The following VPS36 variants were observed in gnomAD, a reference collection of about 807,000 sequenced individuals.
VPS36 encodes vacuolar protein-sorting-associated protein 36.
Under a neutral mutation model 63.5 loss-of-function variants are expected in VPS36, and 31 were observed. The ratio of observed to expected loss-of-function variants is 0.49; its 90% CI spans 0.37 to 0.66. VPS36 has a LOEUF of 0.66. Ranked by LOEUF, VPS36 falls within the 30% of genes least tolerant of loss-of-function variation. The pLI, the probability that VPS36 is intolerant of heterozygous loss-of-function variation, is 0.00. For missense variants in VPS36, 338 were observed against 463.7 expected, an observed-to-expected ratio of 0.73 and a Z score of 2.49; for synonymous variants, 138 against 157.2, an observed-to-expected ratio of 0.88 and a Z score of 0.91.
At chr13:52,417,920 G>T (rs1254183053) in intron 11 of VPS36, 72 bp downstream of exon 11, 2 of 1,333,118 alleles carry the variant, frequency 1.5e-6, no homozygotes, top group African/African-American at 1.5e-5. Flanking sequence ...GGCAAACTTG[G>T]CTGGGCTTTC....
intron 8 of VPS36, 114 bp from the exon 9 acceptor site, chr13:52,426,180 CTG>C (rs1209070812): frequency 2.3e-6 from 3 of 1,331,614 alleles, no homozygotes; most frequent in Non-Finnish European, 3.1e-6. Context: ...ATTCCTTCTA[CTG>C]TGTTTCTATG....
At position 52,430,503 on chromosome 13, in the gene VPS36, G is replaced by A. The variant is rs957184631; in HGVS notation, c.528+3159C>T. Among the ~76,000 whole-genome samples the A allele has an allele frequency of 5.3e-5, 8 of 151,994 alleles. No homozygotes were observed. In the South Asian group the frequency reaches 6.2e-4, roughly 12 times the overall value. ...AAAAATTAGCTGGGTGTGGTGGCACGCACCTGTAGTCCCAGCTACTTGGGA... is the reference window on the plus strand; with the variant it reads ...AAAAATTAGCTGGGTGTGGTGGCACACACCTGTAGTCCCAGCTACTTGGGA... On this transcript the variant is annotated intron_variant, in intron 6 of 13. Coordinates refer to ENST00000378060, the MANE Select transcript of VPS36 (RefSeq NM_016075.4).
At chr13:52,427,500 A>G (rs1043521981) in intron 6 of VPS36, among the ~76,000 whole-genome samples, 1 of 152,018 alleles carries the variant, frequency 6.6e-6, no homozygotes, top group Admixed American at 6.6e-5. Context: ...CCAGCTACTC[A>G]GGAGGCTGAG....
rs1566087567 is a variant in VPS36, at chr13:52,434,887, T to C, written c.352-5A>G. ...CTCTGATAAACGCCTGTAAAACTGA[T>C]ACGCAAATAAATACACTTTAAATGA... is the stretch of plus-strand genomic sequence containing the variant. On this transcript the variant is annotated splice_region_variant and splice_polypyrimidine_tract_variant and intron_variant, in intron 4 of 13. Transcript: ENST00000378060. 3.1e-6 allele frequency: 5 copies of C among 1,612,182 alleles called. No individual in the cohort carries two copies. The highest frequency in any genetic ancestry group is 1.1e-5 in the South Asian group (1 of 90,796).
chr13:52,428,192 AGGCCTC>A (rs1958123013), intron 6 of VPS36, among the ~76,000 whole-genome samples: 1 of 152,194 alleles, frequency 6.6e-6, no homozygotes, highest in Non-Finnish European at 1.5e-5. Flanking sequence ...ACTACTTCAA[AGGCCTC>A]TTTGAATTTA....
chr13:52,420,038 CA>C (rs1958030911), intron 10 of VPS36, among the ~76,000 whole-genome samples: 1 of 151,970 alleles, frequency 6.6e-6, no homozygotes, highest in Non-Finnish European at 1.5e-5. Context: ...GGCAGGAGTT[CA>C]AGACCAGCCT....
intron 10 of VPS36, among the ~76,000 whole-genome samples, chr13:52,419,894 T>G (rs923473041): frequency 6.6e-6 from 1 of 151,498 alleles, no homozygotes; most frequent in Non-Finnish European, 1.5e-5. Context: ...GGAAGAGTAG[T>G]GGGGAAGGAG....
At position 52,416,106 on chromosome 13, in the gene VPS36, C is replaced by T. The variant is rs777447438; in HGVS notation, c.991-13G>A. 11 of 1,608,112 alleles carry T rather than the reference C, an allele frequency of 6.8e-6. No homozygotes were observed. Among genetic ancestry groups the T allele is most frequent in the African/African-American group, 6.7e-5 (5 of 74,444 alleles). On this transcript the variant is annotated splice_polypyrimidine_tract_variant and intron_variant, in intron 12 of 13. Coordinates refer to ENST00000378060, the MANE Select transcript of VPS36 (RefSeq NM_016075.4). ...CCTTTTCTGAAACCTAATAGAAACA[C>T]ACAGCAGAAAAAAAATGTAATTAAT...
intron 1 of VPS36, among the ~76,000 whole-genome samples, chr13:52,448,563 C>A (rs558790809): frequency 6.6e-6 from 1 of 152,324 alleles, no homozygotes; most frequent in African/African-American, 2.4e-5. Context: ...GCAATGTTTT[C>A]CCCATGATTT....
At position 52,426,659 on chromosome 13, in the gene VPS36, T is replaced by C. The variant is rs1958103905; in HGVS notation, c.639+330A>G. The stretch of plus-strand genomic sequence containing the variant: ...TCACGAGGTCAGGAGATCGAGACCA[T>C]CCTGACTAACACGGTGAAACCCGGT... On this transcript the variant is annotated intron_variant, in intron 8 of 13. Transcript: ENST00000378060. Among the ~76,000 whole-genome samples the C allele has an allele frequency of 2.0e-5, 3 of 152,004 alleles. 1 individual carries two copies. The highest frequency in any genetic ancestry group is 4.8e-5 in the African/African-American group (2 of 41,374).
intron 8 of VPS36, among the ~76,000 whole-genome samples, chr13:52,426,626 C>G (rs1452960802): frequency 3.9e-5 from 6 of 152,076 alleles, no homozygotes; most frequent in South Asian, 2.1e-4. Flanking sequence ...TAATCCGAGG[C>G]AGGCGGATCA....
At chr13:52,446,256 A>C (rs1958342304) in intron 1 of VPS36, among the ~76,000 whole-genome samples, 1 of 149,562 alleles carries the variant, frequency 6.7e-6, no homozygotes. Context: ...ACAGAGCGAG[A>C]TTCCGTCTGA....
At chr13:52,445,046 T>C (rs1406811941) in intron 1 of VPS36, among the ~76,000 whole-genome samples, 3 of 152,198 alleles carry the variant, frequency 2.0e-5, no homozygotes, top group African/African-American at 4.8e-5. Flanking sequence ...AATAATATGG[T>C]TAGTAAACTT....
At position 52,450,616 on chromosome 13, in the gene VPS36, G is replaced by GC. The variant is rs1958393023; in HGVS notation, c.-23dup. ...CCATGGCCGCTGCCACCCAGCCCCG[G>GC]CCCTCCGAGGCCGCGAGCAGCGCGC... On this transcript the variant is annotated 5_prime_UTR_variant, in exon 1 of 14. Coordinates refer to ENST00000378060, the MANE Select transcript of VPS36 (RefSeq NM_016075.4). The GC allele has an allele frequency of 1.3e-6, 2 of 1,549,516 alleles. No homozygotes were observed. The highest frequency in any genetic ancestry group is 1.7e-6 in the Non-Finnish European group (2 of 1,147,620).
chr13:52,421,316 A>G (rs1004073183), intron 10 of VPS36, among the ~76,000 whole-genome samples: 1 of 152,098 alleles, frequency 6.6e-6, no homozygotes, highest in Non-Finnish European at 1.5e-5. Context: ...AATCTTAAAA[A>G]AGTTGATCTC....
rs566804939 is a variant in VPS36, at chr13:52,445,140, G to C, written c.97-2695C>G. ...CACCAACAAACTTCAACATGTCAGA[G>C]AATAGACCTTATGAGTCCATGTTTT... On this transcript the variant is annotated intron_variant, in intron 1 of 13. Transcript: ENST00000378060. Among the ~76,000 whole-genome samples, 6 of 152,270 alleles carry C rather than the reference G, an allele frequency of 3.9e-5. No individual in the cohort carries two copies. In the East Asian group the frequency reaches 1.2e-3, roughly 29 times the overall value.
intron 8 of VPS36, among the ~76,000 whole-genome samples, chr13:52,426,769 C>T (rs1958105202): frequency 6.6e-6 from 1 of 152,118 alleles, no homozygotes; most frequent in African/African-American, 2.4e-5. Flanking sequence ...GCAGGAGAAT[C>T]GCTTGAACCC....
intron 8 of VPS36, among the ~76,000 whole-genome samples, chr13:52,426,651 C>A (rs1203382429): frequency 1.3e-5 from 2 of 152,058 alleles, no homozygotes; most frequent in African/African-American, 4.8e-5. Flanking sequence ...GTCAGGAGAT[C>A]GAGACCATCC....
At chr13:52,419,359 T>C (rs1958023500) in intron 10 of VPS36, among the ~76,000 whole-genome samples, 1 of 152,230 alleles carries the variant, frequency 6.6e-6, no homozygotes, top group Non-Finnish European at 1.5e-5. Context: ...ACCGAGTTGA[T>C]TCAAAAGAGT....
Sources: gnomAD v4.1 joint callset for allele counts (sites outside exome capture counted in the v4.1 genomes callset) on GRCh38, gnomAD v4.1.1 for gene constraint, MANE v1.5 for transcripts, NCBI Gene and HGNC (gene_info 2026-07-23, HGNC 2026-07-21) for gene names.